DCC: variants seen among roughly 807,000 people sequenced by gnomAD.
DCC encodes the protein DCC netrin 1 receptor, also known as netrin receptor DCC.
A neutral mutation model predicts 172.5 loss-of-function variants in DCC; 58 were observed. The observed-to-expected ratio is 0.34, with a 90% CI of 0.27 to 0.42. The LOEUF (loss-of-function observed/expected upper bound fraction) is 0.42, where lower values mean the gene tolerates loss of function less well. DCC is among the 10% of genes least tolerant of loss of function. The pLI, the probability that DCC is intolerant of heterozygous loss-of-function variation, is 1.00. For synonymous variants in DCC, 709 were observed against 644.5 expected (o/e 1.10, Z -1.52); for missense variants, 1,740 against 1,791.0 (o/e 0.97, Z 0.51).
At chr18:53,508,988 G>C (rs2046217909) in intron 27 of DCC, among the ~76,000 whole-genome samples, 1 of 152,186 alleles carries the variant, frequency 6.6e-6, no homozygotes, top group African/African-American at 2.4e-5. Flanking sequence ...CAGGTGTACA[G>C]ATTAGGTGGT....
chr18:52,810,962 TATA>T (rs1372885263), intron 2 of DCC, among the ~76,000 whole-genome samples: 4 of 152,098 alleles, frequency 2.6e-5, no homozygotes, highest in Admixed American at 6.6e-5. Context: ...GCATCTGAAA[TATA>T]ATGTGGATGG....
At chr18:52,455,079 C>T (rs1988418397) in intron 1 of DCC, among the ~76,000 whole-genome samples, 1 of 151,902 alleles carries the variant, frequency 6.6e-6, no homozygotes, top group Admixed American at 6.6e-5. Context: ...CTAAAAATTC[C>T]TTTTATGAAG....
intron 7 of DCC, among the ~76,000 whole-genome samples, chr18:53,088,119 G>GT (rs1172035540): frequency 1.3e-5 from 2 of 152,124 alleles, no homozygotes; most frequent in African/African-American, 2.4e-5. Flanking sequence ...CTTTAAAGTA[G>GT]TTTTTTCCAA....
intron 1 of DCC, among the ~76,000 whole-genome samples, chr18:52,478,664 C>G (rs893265442): frequency 6.6e-6 from 1 of 152,140 alleles, no homozygotes; most frequent in Non-Finnish European, 1.5e-5. Flanking sequence ...TGGCAGAAAG[C>G]CATGGGGGAG....
At chr18:53,402,396 A>AT (rs1368242338) in intron 18 of DCC, among the ~76,000 whole-genome samples, 15 of 80,964 alleles carry the variant, frequency 1.9e-4, no homozygotes, top group African/African-American at 4.2e-4. Flanking sequence ...TCTCAAAAAA[A>AT]AAAAAAAATA....
intron 1 of DCC, among the ~76,000 whole-genome samples, chr18:52,714,480 A>C (rs1255565772): frequency 6.6e-6 from 1 of 152,196 alleles, no homozygotes; most frequent in Non-Finnish European, 1.5e-5. Context: ...AATGTTATAA[A>C]AAGAAAGAAA....
intron 12 of DCC, among the ~76,000 whole-genome samples, chr18:53,259,910 T>A (rs2056573498): frequency 7.4e-6 from 1 of 135,940 alleles, no homozygotes; most frequent in Non-Finnish European, 1.6e-5. Flanking sequence ...TTGTTCTTTT[T>A]CTTTTTTCTC....
At chr18:53,347,794 G>C (rs1309668912) in intron 15 of DCC, among the ~76,000 whole-genome samples, 2 of 152,076 alleles carry the variant, frequency 1.3e-5, no homozygotes, top group Non-Finnish European at 2.9e-5. Context: ...GAGGGCAACA[G>C]GCAAAAAGAG....
chr18:53,078,689 A>T (rs1204141913), intron 7 of DCC, among the ~76,000 whole-genome samples: 1 of 152,182 alleles, frequency 6.6e-6, no homozygotes, highest in Non-Finnish European at 1.5e-5. Flanking sequence ...AATCAGCCTA[A>T]ATAGTATAGG....
At chr18:53,449,687 ATCTCT>A (rs1400809837) in intron 22 of DCC, among the ~76,000 whole-genome samples, 2 of 152,124 alleles carry the variant, frequency 1.3e-5, no homozygotes, top group Non-Finnish European at 2.9e-5. Flanking sequence ...ACAAAGTAGC[ATCTCT>A]TCTCCTCTCC....
intron 1 of DCC, among the ~76,000 whole-genome samples, chr18:52,589,865 GCA>G (rs1223049720): frequency 3.9e-5 from 6 of 152,230 alleles, no homozygotes; most frequent in East Asian, 1.9e-4. Flanking sequence ...CTGAGATATT[GCA>G]CAGTTTGTAT....
intron 15 of DCC, among the ~76,000 whole-genome samples, chr18:53,366,375 C>A (rs112035724): frequency 2.6e-5 from 4 of 151,972 alleles, no homozygotes; most frequent in African/African-American, 9.7e-5. Context: ...ATTTTTTTAC[C>A]TTTAAATTTC....
Position 53,459,370 on chromosome 18 carries a change from C to G in DCC, c.3531C>G (p.Asp1177Glu). The G allele has an allele frequency of 6.2e-7, 1 of 1,613,798 alleles. No individual in the cohort carries two copies. The highest frequency in any genetic ancestry group is 8.5e-7 in the Non-Finnish European group (1 of 1,179,730). The change falls in exon 24 of 29, where the codon GAC (aspartate) becomes GAG (glutamate). Residue 1177 changes from aspartate (D) to glutamate (E), a missense_variant. Coordinates refer to ENST00000442544, the MANE Select transcript of DCC (RefSeq NM_005215.4). The part of the protein sequence containing the change: ...KPSGTDPAGR[D>E]SPIQSCQDLT... ...CTGGCACTGACCCTGCAGGAAGGGA[C>G]TCTCCCATCCAAAGTTGCCAAGACC...
intron 27 of DCC, among the ~76,000 whole-genome samples, chr18:53,516,617 C>T (rs2046336901): frequency 1.3e-5 from 2 of 151,158 alleles, no homozygotes; most frequent in African/African-American, 4.9e-5. Context: ...AATAAACAAC[C>T]CCATCAAAAA....
chr18:52,857,026 C>G (rs1555673810), intron 2 of DCC, among the ~76,000 whole-genome samples: 1 of 152,196 alleles, frequency 6.6e-6, no homozygotes, highest in Non-Finnish European at 1.5e-5. Flanking sequence ...GATCCACATT[C>G]TCTTCTTTTA....
At chr18:52,463,582 A>G (rs1045368798) in intron 1 of DCC, among the ~76,000 whole-genome samples, 5 of 152,222 alleles carry the variant, frequency 3.3e-5, no homozygotes, top group Non-Finnish European at 7.3e-5. Flanking sequence ...ACAACTGAGT[A>G]GTAAATACTG....
At chr18:53,487,063 C>G in intron 26 of DCC, 105 bp downstream of exon 26, 1 of 1,425,614 alleles carries the variant, frequency 7.0e-7, no homozygotes, top group Non-Finnish European at 9.7e-7. Flanking sequence ...AGTTGATTTC[C>G]CTATGACTGT....
At chr18:52,476,119 G>C (rs967944514) in intron 1 of DCC, among the ~76,000 whole-genome samples, 1 of 152,150 alleles carries the variant, frequency 6.6e-6, no homozygotes, top group Non-Finnish European at 1.5e-5. Context: ...CTACAGCACA[G>C]GCTCAATGAA....
At position 52,480,178 on chromosome 18, in the gene DCC, A is replaced by G. The variant is rs577329830; in HGVS notation, c.91+139300A>G. ...CTCTTTCTCTTCTACCATCTTTACT[A>G]TTCAATATTATATTAGCCTAATATT... On this transcript the variant is annotated intron_variant, in intron 1 of 28. Coordinates refer to ENST00000442544, the MANE Select transcript of DCC (RefSeq NM_005215.4). Among the ~76,000 whole-genome samples, 3 of 152,290 alleles carry G rather than the reference A, an allele frequency of 2.0e-5. No individual in the cohort carries two copies. The East Asian group carries it at 5.8e-4, about 29-fold the overall frequency.
Sources: allele counts gnomAD v4.1 joint callset (sites outside exome capture counted in the v4.1 genomes callset), GRCh38; gene constraint gnomAD v4.1.1; transcripts MANE v1.5; gene names NCBI Gene and HGNC (gene_info 2026-07-23, HGNC 2026-07-21).